CEP85L: variants seen among roughly 807,000 people sequenced by gnomAD.
The protein encoded by CEP85L is centrosomal protein of 85 kDa-like.
In CEP85L, 60 loss-of-function variants were observed where a neutral mutation model predicts 100.3. That is an observed-to-expected ratio of 0.60 (90% CI 0.49 to 0.74). CEP85L has a LOEUF of 0.74. Ranked by LOEUF, CEP85L falls within the 30% of genes least tolerant of loss-of-function variation. CEP85L has a pLI of 0.00. For synonymous variants in CEP85L, 319 were observed against 322.7 expected, an observed-to-expected ratio of 0.99 and a Z score of 0.12; for missense variants, 973 against 936.2, an observed-to-expected ratio of 1.04 and a Z score of -0.51.
chr6:118,640,042 C>T (rs967016847), intron 1 of CEP85L, among the ~76,000 whole-genome samples: 1 of 151,834 alleles, frequency 6.6e-6, no homozygotes, highest in Non-Finnish European at 1.5e-5. Flanking sequence ...GATCTGATGG[C>T]CAACATTCCT....
At chr6:118,502,917 G>T in intron 5 of CEP85L, 2 of 453,586 alleles carry the variant, frequency 4.4e-6, no homozygotes, top group South Asian at 5.1e-5. Flanking sequence ...ACACGGAGTG[G>T]ACCTAGTGGG....
Position 118,486,066 on chromosome 6 carries a change from C to G in CEP85L, c.1438-2208G>C, listed in dbSNP as rs146052000. On this transcript the variant is annotated intron_variant, in intron 6 of 12. Coordinates refer to ENST00000368491, the MANE Select transcript of CEP85L (RefSeq NM_001042475.3). ...CCTTGATCACAAATTGCTGCCAACA[C>G]TCTCCTACGAGACACTGTCTCTGTT... Among the ~76,000 whole-genome samples the G allele has an allele frequency of 1.4e-4, 21 of 152,338 alleles. No homozygotes were observed. In the East Asian group the frequency reaches 3.9e-3, roughly 28 times the overall value.
chr6:118,546,211 C>G (rs1778191931), intron 3 of CEP85L, among the ~76,000 whole-genome samples: 1 of 152,108 alleles, frequency 6.6e-6, no homozygotes, highest in African/African-American at 2.4e-5. Context: ...AAGGTAAACA[C>G]AAAAACTCCC....
At position 118,480,403 on chromosome 6, in the gene CEP85L, G is replaced by GC; in HGVS notation, c.1855dup (p.Ala619GlyfsTer2). The GC allele has an allele frequency of 6.3e-7, 1 of 1,588,198 alleles. No homozygotes were observed. On this transcript the variant is annotated frameshift_variant, in exon 9 of 13. Coordinates refer to ENST00000368491, the MANE Select transcript of CEP85L (RefSeq NM_001042475.3). LOFTEE classifies it high-confidence loss of function. ...TCTAAGGTATCTACTGACCTTACTAGCAGTCTCATTTTGTTGTCTGAGATT... is the reference window on the plus strand; with the variant it reads ...TCTAAGGTATCTACTGACCTTACTAGCCAGTCTCATTTTGTTGTCTGAGATT...
chr6:118,671,157 C>T (rs1776294400), intron 1 of CEP85L, among the ~76,000 whole-genome samples: 1 of 152,100 alleles, frequency 6.6e-6, no homozygotes, highest in African/African-American at 2.4e-5. Context: ...ATCTTATGGA[C>T]AGTGGATCTC....
intron 2 of CEP85L, among the ~76,000 whole-genome samples, chr6:118,628,693 G>A (rs1269697317): frequency 6.6e-6 from 1 of 151,954 alleles, no homozygotes; most frequent in Non-Finnish European, 1.5e-5. Flanking sequence ...TCCAAGAATT[G>A]TGGGACAACT....
chr6:118,688,481 G>A (rs1776915463), intron 1 of CEP85L, among the ~76,000 whole-genome samples: 1 of 152,194 alleles, frequency 6.6e-6, no homozygotes, highest in South Asian at 2.1e-4. Context: ...AGCAGAAATT[G>A]GACCTCTTCT....
chr6:118,574,173 G>C (rs1780076907), intron 2 of CEP85L: 1 of 152,178 alleles, frequency 6.6e-6, no homozygotes, highest in South Asian at 2.1e-4. Flanking sequence ...GACATGTCCA[G>C]ACATGCCTTG....
chr6:118,578,820 T>C (rs1466075978), intron 2 of CEP85L, among the ~76,000 whole-genome samples: 1 of 152,190 alleles, frequency 6.6e-6, no homozygotes, highest in Non-Finnish European at 1.5e-5. Flanking sequence ...AGAAGTAAAT[T>C]GCCTTGCTGA....
At chr6:118,568,916 A>T (rs1302715166) in intron 2 of CEP85L, among the ~76,000 whole-genome samples, 9 of 152,176 alleles carry the variant, frequency 5.9e-5, no homozygotes. Context: ...TAGTTATACT[A>T]AAATCATCAT....
chr6:118,637,419 C>A (rs73766593), intron 1 of CEP85L, among the ~76,000 whole-genome samples: 4,100 of 151,856 alleles, frequency 0.027, 189 homozygotes, highest in African/African-American at 0.093. Context: ...TTGTCTAGGC[C>A]GGGCAAGGTG....
chr6:118,652,775 AAATC>A, upstream of CEP85L: 1 of 1,527,804 alleles, frequency 6.5e-7, no homozygotes, highest in Non-Finnish European at 8.9e-7. Context: ...TTATTTCTCC[AAATC>A]ATGTAATGTT....
At chr6:118,616,751 C>A (rs553927190) in intron 2 of CEP85L, among the ~76,000 whole-genome samples, 10 of 151,728 alleles carry the variant, frequency 6.6e-5, no homozygotes, top group African/African-American at 2.4e-4. Flanking sequence ...TCGAGACCAG[C>A]CTGGCCAACA....
At chr6:118,693,044 G>A (rs1003241399) in intron 1 of CEP85L, among the ~76,000 whole-genome samples, 82 of 152,284 alleles carry the variant, frequency 5.4e-4, no homozygotes, top group African/African-American at 1.8e-3. Context: ...GCTGAGATGC[G>A]GCAGAAGGAA....
In CEP85L at chr6:118,533,253, A is replaced by G. The variant is rs549343750; in HGVS notation, c.1021-9333T>C. Among the ~76,000 whole-genome samples the G allele has an allele frequency of 2.6e-5, 4 of 152,304 alleles. No homozygotes were observed. In the South Asian group the frequency reaches 8.3e-4, roughly 32 times the overall value. On this transcript the variant is annotated intron_variant, in intron 3 of 12. Transcript: ENST00000368491. ...CCATTACCTAGACTGAGAAAGAAAA[A>G]AAGAAGAGGCAAGTTATTAGGGAGT...
At chr6:118,665,654 G>A (rs1054560016) in intron 1 of CEP85L, among the ~76,000 whole-genome samples, 5 of 151,972 alleles carry the variant, frequency 3.3e-5, no homozygotes, top group African/African-American at 1.2e-4. Flanking sequence ...CCATTGCGCC[G>A]GGCCACATCC....
chr6:118,612,219 C>T (rs1355130013), intron 2 of CEP85L, among the ~76,000 whole-genome samples: 1 of 151,578 alleles, frequency 6.6e-6, no homozygotes, highest in Non-Finnish European at 1.5e-5. Flanking sequence ...AAACAACACA[C>T]TTACAGTCCT....
chr6:118,614,797 T>C (rs1466110635), intron 2 of CEP85L, among the ~76,000 whole-genome samples: 1 of 152,116 alleles, frequency 6.6e-6, no homozygotes, highest in East Asian at 1.9e-4. Flanking sequence ...GCCAAGATCG[T>C]GCCATTGCAC....
At chr6:118,646,319 G>A (rs922529025) in intron 1 of CEP85L, among the ~76,000 whole-genome samples, 1 of 77,908 alleles carries the variant, frequency 1.3e-5, no homozygotes, top group African/African-American at 4.7e-5. Context: ...ATATTACTTT[G>A]CCAGTGTAAA....
Sources: allele counts gnomAD v4.1 joint callset (sites outside exome capture counted in the v4.1 genomes callset), GRCh38; gene constraint gnomAD v4.1.1; transcripts MANE v1.5; gene names NCBI Gene and HGNC (gene_info 2026-07-23, HGNC 2026-07-21).